Variants in TRAPPC9 observed in about 807,000 individuals in gnomAD.
TRAPPC9 encodes trafficking protein particle complex subunit 9.
In TRAPPC9, 83 loss-of-function variants were observed where a neutral mutation model predicts 124.0. That is an observed-to-expected ratio of 0.67 (90% CI 0.56 to 0.80). TRAPPC9 has a LOEUF of 0.80. Ranked by LOEUF, TRAPPC9 falls within the 30% of genes least tolerant of loss-of-function variation. TRAPPC9 has a pLI of 0.00. For synonymous variants in TRAPPC9, 638 were observed against 617.5 expected, an observed-to-expected ratio of 1.03 and a Z score of -0.49; for missense variants, 1,302 against 1,508.3, an observed-to-expected ratio of 0.86 and a Z score of 2.27.
chr8:140,314,838 T>A, intron 9 of TRAPPC9, among the ~76,000 whole-genome samples: 1 of 152,268 alleles, frequency 6.6e-6, no homozygotes, highest in East Asian at 1.9e-4. Context: ...TATCCATTCA[T>A]CTGCTGAATG....
intron 16 of TRAPPC9, among the ~76,000 whole-genome samples, chr8:140,226,848 CAA>C (rs375203443): frequency 1.5e-5 from 2 of 135,466 alleles, no homozygotes. Flanking sequence ...GAGCACTTTG[CAA>C]AAAAAAAAAG....
At chr8:139,743,839 T>C (rs1032478707) in intron 21 of TRAPPC9, among the ~76,000 whole-genome samples, 3 of 152,188 alleles carry the variant, frequency 2.0e-5, no homozygotes, top group African/African-American at 4.8e-5. Context: ...ATGTGGTTGG[T>C]TGCTAGCTAC....
chr8:139,929,498 G>A (rs1229429069), intron 19 of TRAPPC9, among the ~76,000 whole-genome samples: 3 of 151,780 alleles, frequency 2.0e-5, no homozygotes, highest in Admixed American at 6.6e-5. Flanking sequence ...CACTTTGGAA[G>A]GCCGAGGTGG....
chr8:140,161,922 G>C (rs898485306), intron 17 of TRAPPC9, among the ~76,000 whole-genome samples: 2 of 152,140 alleles, frequency 1.3e-5, no homozygotes, highest in African/African-American at 4.8e-5. Flanking sequence ...AAGAGGCCTG[G>C]TTGCAGGCAG....
At chr8:140,442,205 GA>G (rs540234430) in intron 2 of TRAPPC9, among the ~76,000 whole-genome samples, 7 of 152,066 alleles carry the variant, frequency 4.6e-5, no homozygotes, top group Non-Finnish European at 1.0e-4. Context: ...AATTTGTTTT[GA>G]AAACATAGGA....
At chr8:140,164,498 T>A (rs1165655722) in intron 17 of TRAPPC9, among the ~76,000 whole-genome samples, 2 of 152,206 alleles carry the variant, frequency 1.3e-5, no homozygotes, top group African/African-American at 4.8e-5. Context: ...CATTTTCCCA[T>A]CCCTCAGACG....
chr8:139,947,513 T>C (rs1587309786), intron 19 of TRAPPC9, among the ~76,000 whole-genome samples: 1 of 152,268 alleles, frequency 6.6e-6, no homozygotes, highest in East Asian at 1.9e-4. Context: ...TTTGTCCTTG[T>C]TGAAAAGTAG....
intron 8 of TRAPPC9, among the ~76,000 whole-genome samples, chr8:140,362,651 G>A (rs956494010): frequency 2.0e-5 from 3 of 152,162 alleles, no homozygotes; most frequent in African/African-American, 2.4e-5. Flanking sequence ...AGAGAAAGAC[G>A]AGTCCCTGCA....
intron 8 of TRAPPC9, among the ~76,000 whole-genome samples, chr8:140,361,901 A>G (rs1018857971): frequency 6.6e-6 from 1 of 152,104 alleles, no homozygotes; most frequent in Admixed American, 6.6e-5. Flanking sequence ...CCTAACGCAA[A>G]TAGCAGGGGC....
intron 17 of TRAPPC9, among the ~76,000 whole-genome samples, chr8:140,113,320 C>T (rs537447759): frequency 1.3e-5 from 2 of 152,334 alleles, no homozygotes; most frequent in Admixed American, 6.5e-5. Context: ...AAACTCATAG[C>T]GGCAGGGACG....
At chr8:140,325,944 C>T (rs2066724138) in intron 9 of TRAPPC9, among the ~76,000 whole-genome samples, 1 of 152,102 alleles carries the variant, frequency 6.6e-6, no homozygotes. Context: ...ACCCCCAAAG[C>T]ACTATACAAT....
intron 18 of TRAPPC9, among the ~76,000 whole-genome samples, chr8:139,999,775 C>T (rs1838271364): frequency 6.6e-6 from 1 of 152,208 alleles, no homozygotes; most frequent in Non-Finnish European, 1.5e-5. Context: ...GCTAGAATAA[C>T]TCCAACTATC....
At chr8:139,810,817 G>A (rs1824390227) in intron 21 of TRAPPC9, among the ~76,000 whole-genome samples, 1 of 149,242 alleles carries the variant, frequency 6.7e-6, no homozygotes, top group Admixed American at 6.7e-5. Flanking sequence ...CCAGAGGACA[G>A]ACCAGGCCAG....
At chr8:139,945,869 A>G (rs1834181605) in intron 19 of TRAPPC9, among the ~76,000 whole-genome samples, 1 of 152,242 alleles carries the variant, frequency 6.6e-6, no homozygotes. Flanking sequence ...ACGAAATATG[A>G]TGGACTAACA....
intron 18 of TRAPPC9, among the ~76,000 whole-genome samples, chr8:139,996,181 A>T (rs1351340785): frequency 6.3e-5 from 9 of 141,888 alleles, no homozygotes; most frequent in Non-Finnish European, 1.2e-4. Flanking sequence ...AAAAAAAAAA[A>T]AGAAAGGAAA....
In TRAPPC9 at chr8:139,939,163, G is replaced by A. The variant is rs186015549; in HGVS notation, c.2811-28863C>T. On this transcript the variant is annotated intron_variant, in intron 19 of 22. Transcript: ENST00000438773. Reference sequence around the variant, plus strand: ...TGAGCAGGCAACTCCACCATACTTCGCTAAGGGCTATATTTGGGGGACATT... The same window carrying A: ...TGAGCAGGCAACTCCACCATACTTCACTAAGGGCTATATTTGGGGGACATT... Among the ~76,000 whole-genome samples the A allele has an allele frequency of 2.7e-3, 413 of 152,278 alleles. 4 individuals carry two copies. The highest frequency in any genetic ancestry group is 8.7e-3 in the African/African-American group (360 of 41,556).
At chr8:140,412,714 T>C (rs1203634682) in intron 5 of TRAPPC9, among the ~76,000 whole-genome samples, 1 of 152,198 alleles carries the variant, frequency 6.6e-6, no homozygotes, top group Non-Finnish European at 1.5e-5. Flanking sequence ...TACCACTCTT[T>C]TATAAGATTT....
At chr8:140,400,626 C>G (rs1231307927) in intron 6 of TRAPPC9, among the ~76,000 whole-genome samples, 9 of 152,134 alleles carry the variant, frequency 5.9e-5, no homozygotes, top group South Asian at 2.1e-4. Context: ...AACAGAAAAG[C>G]CTTCGTGGAA....
chr8:139,743,279 C>T (rs1053904908), intron 21 of TRAPPC9, among the ~76,000 whole-genome samples: 2 of 152,218 alleles, frequency 1.3e-5, no homozygotes, highest in African/African-American at 4.8e-5. Context: ...CTCAAACTCC[C>T]AGCGACGCCT....
Sources: allele counts gnomAD v4.1 joint callset (sites outside exome capture counted in the v4.1 genomes callset), GRCh38; gene constraint gnomAD v4.1.1; transcripts MANE v1.5; gene names NCBI Gene and HGNC (gene_info 2026-07-23, HGNC 2026-07-21).